Variants in INAVA observed in about 807,000 individuals in gnomAD.
INAVA encodes the protein innate immunity activator protein.
In INAVA, 32 loss-of-function variants were observed where a neutral mutation model predicts 55.3. The observed-to-expected ratio is 0.58, with a 90% CI of 0.44 to 0.78. The LOEUF (loss-of-function observed/expected upper bound fraction) is 0.78. INAVA is among the 30% of genes least tolerant of loss of function. The pLI is 0.00. For missense variants in INAVA, 756 were observed against 786.4 expected (o/e 0.96, Z 0.46); for synonymous variants, 294 against 329.4 (o/e 0.89, Z 1.16).
At chr1:200,899,220 C>T (rs1209348308) in intron 2 of INAVA, among the ~76,000 whole-genome samples, 3 of 152,120 alleles carry the variant, frequency 2.0e-5, no homozygotes, top group Non-Finnish European at 4.4e-5. Context: ...CCCTCCCCTG[C>T]ACTCCCCCAC....
intron 2 of INAVA, 97 bp from the exon 3 acceptor site, chr1:200,899,376 T>G: frequency 1.4e-6 from 2 of 1,412,450 alleles, no homozygotes; most frequent in Non-Finnish European, 1.9e-6. Flanking sequence ...TGTGTGTGCA[T>G]GTGTGTGCAT....
At position 200,898,469 on chromosome 1, in the gene INAVA, G is replaced by A; in HGVS notation, c.55+14G>A. 1 of 1,613,264 alleles carries A rather than the reference G, an allele frequency of 6.2e-7. No individual in the cohort carries two copies. The highest frequency in any genetic ancestry group is 8.5e-7 in the Non-Finnish European group (1 of 1,179,654). ...TCCTGCAGTCTGGTGAGTGTTCAGG[G>A]AAATCCCCCTGCCCTAGTCCCTAGT... On this transcript the variant is annotated intron_variant, in intron 2 of 9. Coordinates refer to ENST00000413687, the MANE Select transcript of INAVA (RefSeq NM_001142569.3).
intron 1 of INAVA, among the ~76,000 whole-genome samples, chr1:200,895,579 C>T (rs1281288620): frequency 6.6e-6 from 1 of 152,014 alleles, no homozygotes; most frequent in Non-Finnish European, 1.5e-5. Flanking sequence ...TATCTAAAAG[C>T]AATGCCTTAG....
intron 5 of INAVA, among the ~76,000 whole-genome samples, chr1:200,907,329 C>T (rs1261304259): frequency 1.3e-5 from 2 of 152,066 alleles, no homozygotes; most frequent in Non-Finnish European, 2.9e-5. Flanking sequence ...TCTCCTAGCT[C>T]TGCCTTCTAT....
chr1:200,912,191 G>T, intron 9 of INAVA, 54 bp downstream of exon 9: 1 of 1,459,978 alleles, frequency 6.8e-7, no homozygotes, highest in East Asian at 2.5e-5. Context: ...GTTTTGTTGG[G>T]GAGGGGCTGC....
chr1:200,901,426 A>C (rs915461325), intron 5 of INAVA, among the ~76,000 whole-genome samples: 1 of 152,168 alleles, frequency 6.6e-6, no homozygotes, highest in Admixed American at 6.5e-5. Flanking sequence ...GACTTCCTAC[A>C]CAGAGATATT....
intron 8 of INAVA, among the ~76,000 whole-genome samples, chr1:200,910,566 G>T (rs1268961706): frequency 6.6e-6 from 1 of 152,136 alleles, no homozygotes. Flanking sequence ...CTCAAGTAAA[G>T]CAATGGATTT....
intron 9 of INAVA, 25 bp downstream of exon 9, chr1:200,912,162 G>A (rs901033643): frequency 3.3e-6 from 5 of 1,530,344 alleles, no homozygotes; most frequent in Middle Eastern, 1.7e-4. Flanking sequence ...GAGGGACCCC[G>A]GGGCCAGGCA....
intron 5 of INAVA, among the ~76,000 whole-genome samples, chr1:200,907,016 A>G (rs745371630): frequency 1.3e-5 from 2 of 152,028 alleles, no homozygotes; most frequent in Non-Finnish European, 2.9e-5. Context: ...TGTAGAGACC[A>G]GATTTCACCA....
At chr1:200,905,703 T>A (rs966471058) in intron 5 of INAVA, among the ~76,000 whole-genome samples, 7 of 152,244 alleles carry the variant, frequency 4.6e-5, no homozygotes, top group Admixed American at 2.6e-4. Flanking sequence ...AGACATTACA[T>A]AAACAAATTC....
Position 200,907,903 on chromosome 1 carries a change from G to T in INAVA, c.574+16G>T. 3.7e-6 allele frequency: 6 copies of T among 1,608,364 alleles called. No homozygotes were observed. Among genetic ancestry groups the T allele is most frequent in the Non-Finnish European group, 4.3e-6 (5 of 1,175,626 alleles). ...CTGGAGGAAGGTGAGAAGGACGTTT[G>T]GGGGACTATTGTCAAGGCTGGACTC... is the stretch of plus-strand genomic sequence containing the variant. On this transcript the variant is annotated intron_variant, in intron 6 of 9. Coordinates refer to ENST00000413687, the MANE Select transcript of INAVA (RefSeq NM_001142569.3).
intron 5 of INAVA, among the ~76,000 whole-genome samples, chr1:200,905,138 A>G (rs2102309820): frequency 6.6e-6 from 1 of 152,342 alleles, no homozygotes; most frequent in South Asian, 2.1e-4. Context: ...AGCAAAGGCT[A>G]CTTGTGAGCC....
At chr1:200,893,598 C>CG (rs1335745348), upstream of INAVA, among the ~76,000 whole-genome samples, 1 of 152,102 alleles carries the variant, frequency 6.6e-6, no homozygotes, top group African/African-American at 2.4e-5. Flanking sequence ...CCCAATGGGG[C>CG]GGGGGGAGGA....
chr1:200,898,514 G>A, intron 2 of INAVA, 59 bp downstream of exon 2: 1 of 1,584,286 alleles, frequency 6.3e-7, no homozygotes, highest in Non-Finnish European at 8.6e-7. Flanking sequence ...CTGGTCCCTG[G>A]CCCTGACTCC....
At chr1:200,912,262 C>T in intron 9 of INAVA, 125 bp downstream of exon 9, 1 of 974,106 alleles carries the variant, frequency 1.0e-6, no homozygotes, top group East Asian at 2.7e-5. Flanking sequence ...CCGGGTAATC[C>T]CCGTCTAGGA....
At chr1:200,910,598 T>C (rs1653670750) in intron 8 of INAVA, among the ~76,000 whole-genome samples, 2 of 152,222 alleles carry the variant, frequency 1.3e-5, no homozygotes, top group African/African-American at 4.8e-5. Context: ...TAAATTTTTT[T>C]TGAGGCAGAG....
At chr1:200,895,359 T>A (rs1668321926) in intron 1 of INAVA, among the ~76,000 whole-genome samples, 1 of 151,916 alleles carries the variant, frequency 6.6e-6, no homozygotes, top group Non-Finnish European at 1.5e-5. Context: ...ACACTTGGGA[T>A]AGAGGAGGAT....
intron 5 of INAVA, among the ~76,000 whole-genome samples, chr1:200,904,482 G>A (rs1653402807): frequency 6.6e-6 from 1 of 152,212 alleles, no homozygotes; most frequent in Non-Finnish European, 1.5e-5. Flanking sequence ...CATTTGAACT[G>A]TGCCTAGTGT....
chr1:200,909,593 G>A (rs550141597), intron 8 of INAVA, among the ~76,000 whole-genome samples, 196 bp downstream of exon 8: 126 of 152,328 alleles, frequency 8.3e-4, no homozygotes, highest in African/African-American at 2.8e-3. Context: ...CATCCATGAA[G>A]CAAGTGGTTT....
Sources: allele counts gnomAD v4.1 joint callset (sites outside exome capture counted in the v4.1 genomes callset), GRCh38; gene constraint gnomAD v4.1.1; transcripts MANE v1.5; gene names NCBI Gene and HGNC (gene_info 2026-07-23, HGNC 2026-07-21).